The following PCDHGA1 variants were observed in gnomAD, a reference collection of about 807,000 sequenced individuals.
PCDHGA1 encodes the protein protocadherin gamma subfamily A, 1.
In PCDHGA1, 32 loss-of-function variants were observed where a neutral mutation model predicts 58.0. The observed-to-expected ratio is 0.55, with a 90% CI of 0.42 to 0.74. The LOEUF (loss-of-function observed/expected upper bound fraction) is 0.74. Among genes scored for constraint, PCDHGA1 ranks in the 30% least tolerant of loss-of-function variants. The pLI is 0.00. For missense variants in PCDHGA1, 1,205 were observed against 1,182.3 expected (o/e 1.02, Z -0.28); for synonymous variants, 498 against 501.1 (o/e 0.99, Z 0.08).
chr5:141,351,016 A>G (rs1460615244), intron 1 of PCDHGA1: 17 of 1,614,078 alleles, frequency 1.1e-5, no homozygotes, highest in Non-Finnish European at 1.4e-5. Flanking sequence ...AAGAAAACGT[A>G]CCGTGGGGAA....
intron 1 of PCDHGA1, among the ~76,000 whole-genome samples, chr5:141,381,392 A>G (rs887778756): frequency 6.6e-6 from 1 of 152,096 alleles, no homozygotes; most frequent in Non-Finnish European, 1.5e-5. Flanking sequence ...ATTTAGTTTT[A>G]CTCTATCAAC....
chr5:141,483,255 GTTTT>G (rs147039946), intron 1 of PCDHGA1, among the ~76,000 whole-genome samples: 7,425 of 152,114 alleles, frequency 0.049, 355 homozygotes, highest in African/African-American at 0.13. Context: ...ATATCATGAG[GTTTT>G]TTTGTTTTAG....
chr5:141,362,014 C>A lies in PCDHGA1; in HGVS notation c.2421+28909C>A, dbSNP rs748394772. On this transcript the variant is annotated intron_variant, in intron 1 of 3. Transcript: ENST00000517417. ...CCTGGGGTTGCGCACGGGTGAGGTG[C>A]GCACAGCGCGTGCCTTGGGCGACAG... 16 of 1,606,054 alleles carry A rather than the reference C, an allele frequency of 1.0e-5. No individual in the cohort carries two copies. The highest frequency in any genetic ancestry group is 3.4e-5 in the Admixed American group (2 of 59,616).
chr5:141,422,406 T>C, intron 1 of PCDHGA1: 1 of 1,601,224 alleles, frequency 6.2e-7, no homozygotes, highest in South Asian at 1.1e-5. Context: ...ACCTGCCTTT[T>C]AAATTAGAAA....
At chr5:141,379,592 TACCTGTGACCATTTCATTTAA>T (rs1451558055) in intron 1 of PCDHGA1, 2 of 152,236 alleles carry the variant, frequency 1.3e-5, no homozygotes, top group East Asian at 3.8e-4. Flanking sequence ...ATTCTCTTAT[TACCTGTGACCATTTCATTTAA>T]ACAAATAAAA....
At chr5:141,351,142 T>G (rs1758655977) in intron 1 of PCDHGA1, 1 of 1,614,016 alleles carries the variant, frequency 6.2e-7, no homozygotes, top group Non-Finnish European at 8.5e-7. Flanking sequence ...ATCCAAATAC[T>G]GGCGACATCA....
chr5:141,487,616 G>T lies in PCDHGA1; in HGVS notation c.2422-7191G>T. The T allele has an allele frequency of 1.2e-6, 2 of 1,614,220 alleles. No homozygotes were observed. The highest frequency in any genetic ancestry group is 1.7e-6 in the Non-Finnish European group (2 of 1,180,044). ...CTCTGATCTTCTCTATGGGCTAGAGGTGAGACCTTTGCAGGCTCAACAAAT... is the reference window on the plus strand; with the variant it reads ...CTCTGATCTTCTCTATGGGCTAGAGTTGAGACCTTTGCAGGCTCAACAAAT... On this transcript the variant is annotated intron_variant, in intron 1 of 3. Coordinates refer to ENST00000517417, the MANE Select transcript of PCDHGA1 (RefSeq NM_018912.3). This position sits in a 1 kb window ranked among gnomAD's most constrained non-coding sequence, Gnocchi z 5.0.
At chr5:141,357,577 A>T (rs1202708968) in intron 1 of PCDHGA1, 1 of 1,614,198 alleles carries the variant, frequency 6.2e-7, no homozygotes, top group East Asian at 2.2e-5. Flanking sequence ...GCCTCTTCTG[A>T]TAACTCAGGA....
intron 1 of PCDHGA1, among the ~76,000 whole-genome samples, chr5:141,448,931 C>G (rs966398044): frequency 1.3e-5 from 2 of 152,040 alleles, no homozygotes; most frequent in African/African-American, 4.8e-5. Context: ...GGCGACAGAG[C>G]AAGACTGCAA....
intron 1 of PCDHGA1, chr5:141,403,578 A>G: frequency 6.2e-7 from 1 of 1,613,850 alleles, no homozygotes. Context: ...ACTGCCCACC[A>G]CCTGGTCCTC....
chr5:141,476,054 A>T lies in PCDHGA1; in HGVS notation c.2422-18753A>T. The T allele has an allele frequency of 3.3e-6, 5 of 1,504,982 alleles. No homozygotes were observed. The highest frequency in any genetic ancestry group is 4.4e-6 in the Non-Finnish European group (5 of 1,134,040). 93.2% of individuals were successfully genotyped at this position (1,504,982 alleles called of 1,614,324 possible). A position where few individuals can be genotyped will look rare whatever the true frequency, so the allele number is the denominator to read the frequency against. ...AGCGCCCAAGCGCTAACCCGCTGAA[A>T]GTTTCTCAGCGAAATCTCAGGGACG... On this transcript the variant is annotated intron_variant, in intron 1 of 3. Coordinates refer to ENST00000517417, the MANE Select transcript of PCDHGA1 (RefSeq NM_018912.3). The surrounding 1 kb of genome is among the most constrained non-coding windows in gnomAD (Gnocchi z 7.6).
intron 1 of PCDHGA1, chr5:141,393,248 C>A: frequency 4.3e-6 from 7 of 1,613,798 alleles, no homozygotes; most frequent in Non-Finnish European, 5.9e-6. Flanking sequence ...TTAACGAAAT[C>A]GCGGTTCCTG....
rs70988800 is a variant in PCDHGA1 at position 141,379,889 on chromosome 5, CTTTTTTTTTTTTT to C, written c.2421+46802_2421+46814del. Among the ~76,000 whole-genome samples the C allele has an allele frequency of 8.7e-4, 44 of 50,836 alleles. 1 individual carries two copies. The South Asian group carries it at 0.014, about 16-fold the overall frequency. The allele number at this position is 50,836 out of a possible 152,430, so 33.4% of individuals were successfully genotyped here. On this transcript the variant is annotated intron_variant, in intron 1 of 3. Transcript: ENST00000517417. ...CTTATTTTATGGTCTGTGAAAGCCT[CTTTTTTTTTTTTT>C]TTTTTTTTTTTTTTTTTGTCAGAGT...
intron 1 of PCDHGA1, among the ~76,000 whole-genome samples, chr5:141,429,812 A>G (rs2097246172): frequency 6.6e-6 from 1 of 152,226 alleles, no homozygotes; most frequent in South Asian, 2.1e-4. Context: ...AGTAATTACA[A>G]TTAGGTCAGT....
chr5:141,439,709 A>G (rs2098127560), intron 1 of PCDHGA1: 1 of 152,540 alleles, frequency 6.6e-6, no homozygotes, highest in African/African-American at 2.4e-5. Context: ...TATGGCTCCT[A>G]GTTCTACAAA....
At chr5:141,400,776 GT>G (rs1167512157) in intron 1 of PCDHGA1, 17 of 557,594 alleles carry the variant, frequency 3.0e-5, no homozygotes, top group East Asian at 1.8e-4. Flanking sequence ...CATTTGGTGC[GT>G]TTTTTTGTCC....
At chr5:141,378,598 G>C (rs1374032317) in intron 1 of PCDHGA1, 4 of 152,136 alleles carry the variant, frequency 2.6e-5, no homozygotes, top group Admixed American at 6.5e-5. Context: ...TCTGCTTACA[G>C]GACATATCTC....
Position 141,371,494 on chromosome 5 carries a change from C to A in PCDHGA1, c.2421+38389C>A, listed in dbSNP as rs535024997. ...GATGCTGAGCTGGGGACTGCCGTTG[C>A]CCTGATCAAAACACATGATCTAGAT... On this transcript the variant is annotated intron_variant, in intron 1 of 3. Transcript: ENST00000517417. 20 of 1,613,888 alleles carry A rather than the reference C, an allele frequency of 1.2e-5. No individual in the cohort carries two copies. In the South Asian group the frequency reaches 1.9e-4, roughly 15 times the overall value.
chr5:141,408,555 A>G, intron 1 of PCDHGA1: 1 of 1,614,052 alleles, frequency 6.2e-7, no homozygotes, highest in South Asian at 1.1e-5. Flanking sequence ...AATATTTTTC[A>G]TGTCATTGTG....
Sources: allele counts gnomAD v4.1 joint callset (sites outside exome capture counted in the v4.1 genomes callset), GRCh38; gene constraint gnomAD v4.1.1; non-coding constraint Gnocchi (gnomAD v3.1); transcripts MANE v1.5; gene names NCBI Gene and HGNC (gene_info 2026-07-23, HGNC 2026-07-21).